Variants in HDAC9 observed in about 807,000 individuals in gnomAD.
HDAC9 encodes histone deacetylase 9.
Under a neutral mutation model 139.4 loss-of-function variants are expected in HDAC9, and 41 were observed. That is an observed-to-expected ratio of 0.29 (90% CI 0.23 to 0.38). The LOEUF is 0.38. Ranked by LOEUF, HDAC9 falls within the 10% of genes least tolerant of loss-of-function variation. The pLI, the probability that HDAC9 is intolerant of heterozygous loss-of-function variation, is 1.00. For synonymous variants in HDAC9, 517 were observed against 476.2 expected (o/e 1.09, Z -1.12); for missense variants, 1,147 against 1,297.0 (o/e 0.88, Z 1.78).
At chr7:18,660,505 T>C (rs1792775722) in intron 11 of HDAC9, among the ~76,000 whole-genome samples, 1 of 152,134 alleles carries the variant, frequency 6.6e-6, no homozygotes, top group Admixed American at 6.6e-5. Flanking sequence ...TCCAATTAGG[T>C]GTTATGCAAT....
At chr7:18,726,664 G>A (rs1255038430) in intron 12 of HDAC9, among the ~76,000 whole-genome samples, 1 of 150,964 alleles carries the variant, frequency 6.6e-6, no homozygotes, top group Non-Finnish European at 1.5e-5. Flanking sequence ...ATTCAGTGTA[G>A]TATATATATT....
At chr7:18,668,768 A>G (rs1795467581) in intron 12 of HDAC9, 1 of 982,178 alleles carries the variant, frequency 1.0e-6, no homozygotes, top group African/African-American at 1.7e-5. Flanking sequence ...TGTTGTAAAT[A>G]TATTGTTTGT....
chr7:18,827,682 T>C (rs774020121), intron 17 of HDAC9, among the ~76,000 whole-genome samples: 1 of 152,210 alleles, frequency 6.6e-6, no homozygotes, highest in Non-Finnish European at 1.5e-5. Flanking sequence ...ATATTTTTAA[T>C]TGAATCACAA....
At chr7:18,967,826 ACT>A (rs1406355218) in intron 24 of HDAC9, among the ~76,000 whole-genome samples, 10 of 152,306 alleles carry the variant, frequency 6.6e-5, no homozygotes, top group South Asian at 4.1e-4. Context: ...AATAAAATAC[ACT>A]GTTTTAGATA....
chr7:18,406,414 A>C (rs1023529547), intron 1 of HDAC9, among the ~76,000 whole-genome samples: 1 of 150,398 alleles, frequency 6.6e-6, no homozygotes, highest in Non-Finnish European at 1.5e-5. Context: ...TTCTTTTGAG[A>C]TGGAGTCTCG....
chr7:18,943,551 A>G (rs117214146), intron 23 of HDAC9, among the ~76,000 whole-genome samples: 1,934 of 152,250 alleles, frequency 0.013, 19 homozygotes, highest in South Asian at 0.023. Flanking sequence ...TTGATATGGA[A>G]CAGAGGCATC....
At chr7:18,798,815 A>G (rs1473452005) in intron 17 of HDAC9, among the ~76,000 whole-genome samples, 1 of 152,150 alleles carries the variant, frequency 6.6e-6, no homozygotes, top group East Asian at 1.9e-4. Flanking sequence ...AACCTGAGGA[A>G]TGTGCATAAG....
intron 2 of HDAC9, among the ~76,000 whole-genome samples, chr7:18,262,962 A>G (rs900845165): frequency 2.6e-5 from 4 of 152,210 alleles, no homozygotes; most frequent in Non-Finnish European, 4.4e-5. Flanking sequence ...AAGACAGCAT[A>G]TAGAAAACAA....
chr7:18,539,272 A>G (rs540762476), intron 2 of HDAC9, among the ~76,000 whole-genome samples: 7 of 152,286 alleles, frequency 4.6e-5, no homozygotes, highest in Non-Finnish European at 1.0e-4. Flanking sequence ...CCCCAAATTT[A>G]TATCCTCAGT....
chr7:18,852,581 T>C (rs1797381290), intron 21 of HDAC9, among the ~76,000 whole-genome samples: 1 of 152,190 alleles, frequency 6.6e-6, no homozygotes, highest in Non-Finnish European at 1.5e-5. Flanking sequence ...ATTCATTAGC[T>C]TTATGGTAAA....
rs746089054 is a variant in HDAC9, at chr7:18,273,056, GTTTTTT to G, written c.25+110729_25+110734del. Among the ~76,000 whole-genome samples the G allele has an allele frequency of 3.7e-4, 31 of 84,766 alleles. 2 individuals carry two copies. The highest frequency in any genetic ancestry group is 2.6e-3 in the South Asian group (7 of 2,718). The allele number at this position is 84,766 out of a possible 152,430, so 55.6% of individuals were successfully genotyped here. A position where few individuals can be genotyped will look rare whatever the true frequency, so the allele number is the denominator to read the frequency against. ...CCTCTTCCCCTTCTTCCCCTTCTTCGTTTTTTTTTTTTTTTTTTTTTTTTTTTGAAC... is the reference window on the plus strand; with the variant it reads ...CCTCTTCCCCTTCTTCCCCTTCTTCGTTTTTTTTTTTTTTTTTTTTTGAAC... On this transcript the variant is annotated intron_variant, in intron 2 of 12. Coordinates refer to the HDAC9 transcript ENST00000417496.
chr7:18,396,189 G>A (rs373833119), intron 1 of HDAC9, among the ~76,000 whole-genome samples: 5 of 138,898 alleles, frequency 3.6e-5, no homozygotes, highest in Admixed American at 3.2e-4. Flanking sequence ...AATATTTACC[G>A]AGGGACATTG....
chr7:18,613,992 C>T (rs1837902705), intron 6 of HDAC9, among the ~76,000 whole-genome samples: 1 of 152,016 alleles, frequency 6.6e-6, no homozygotes, highest in South Asian at 2.1e-4. Context: ...CCTAAAGTTG[C>T]ATTGTCTCTT....
intron 1 of HDAC9, among the ~76,000 whole-genome samples, chr7:18,434,264 C>G (rs528624576): frequency 2.2e-4 from 33 of 152,262 alleles, no homozygotes; most frequent in African/African-American, 7.7e-4. Context: ...AAAATCAAAT[C>G]AAGATGGATT....
intron 25 of HDAC9, among the ~76,000 whole-genome samples, chr7:18,988,251 G>A (rs553379822): frequency 2.0e-5 from 3 of 151,790 alleles, no homozygotes; most frequent in South Asian, 2.1e-4. Flanking sequence ...CCAGAGATTC[G>A]GGTATGTTGT....
chr7:18,783,460 T>C (rs1426023005), intron 16 of HDAC9, among the ~76,000 whole-genome samples: 2 of 152,068 alleles, frequency 1.3e-5, no homozygotes, highest in Non-Finnish European at 2.9e-5. Flanking sequence ...ACATAGAACA[T>C]AAAAACTCCA....
intron 12 of HDAC9, among the ~76,000 whole-genome samples, chr7:18,689,981 C>A (rs1782558963): frequency 6.6e-6 from 1 of 151,894 alleles, no homozygotes; most frequent in South Asian, 2.1e-4. Context: ...TGCCTTAAAT[C>A]AAGATTTATT....
chr7:18,856,284 T>C (rs368555971), intron 21 of HDAC9, among the ~76,000 whole-genome samples: 20 of 152,280 alleles, frequency 1.3e-4, no homozygotes, highest in African/African-American at 4.3e-4. Flanking sequence ...TCTTAGAAAC[T>C]ATGAGTATTA....
intron 21 of HDAC9, among the ~76,000 whole-genome samples, chr7:18,841,792 T>G (rs1585135936): frequency 6.6e-6 from 1 of 152,244 alleles, no homozygotes; most frequent in South Asian, 2.1e-4. Flanking sequence ...CCTTGATATC[T>G]CCAAGCCACT....
Sources: gnomAD v4.1 joint callset for allele counts (sites outside exome capture counted in the v4.1 genomes callset) on GRCh38, gnomAD v4.1.1 for gene constraint, MANE v1.5 for transcripts, NCBI Gene and HGNC (gene_info 2026-07-23, HGNC 2026-07-21) for gene names.